Variants in ARMC2 observed in about 807,000 individuals in gnomAD.
ARMC2 encodes the protein armadillo repeat containing 2, also known as armadillo repeat-containing protein 2.
A neutral mutation model predicts 90.3 loss-of-function variants in ARMC2; 67 were observed. That is an observed-to-expected ratio of 0.74 (90% CI 0.61 to 0.91). ARMC2 has a LOEUF of 0.91. Among genes scored for constraint, ARMC2 ranks in the 40% least tolerant of loss-of-function variants. The pLI, the probability that ARMC2 is intolerant of heterozygous loss-of-function variation, is 0.00. For synonymous variants in ARMC2, 393 were observed against 393.0 expected (o/e 1.00, Z 0.00); for missense variants, 920 against 1,030.9 (o/e 0.89, Z 1.47).
At chr6:108,954,144 G>GC (rs1777396045) in intron 13 of ARMC2, among the ~76,000 whole-genome samples, 1 of 152,150 alleles carries the variant, frequency 6.6e-6, no homozygotes, top group African/African-American at 2.4e-5. Context: ...TCTGTAACCT[G>GC]CTGTATCTCT....
chr6:108,971,845 C>G (rs909932670), intron 17 of ARMC2, among the ~76,000 whole-genome samples: 4 of 150,304 alleles, frequency 2.7e-5, no homozygotes, highest in African/African-American at 9.8e-5. Flanking sequence ...TGCTTGAACC[C>G]GGGAGGCAGA....
At chr6:109,029,776 C>T in the ARMC2 span, among the ~76,000 whole-genome samples, 1 of 152,150 alleles carries the variant, frequency 6.6e-6, no homozygotes, top group Non-Finnish European at 1.5e-5. Context: ...AAATGATCTT[C>T]CCACTTTGGC....
At position 108,868,860 on chromosome 6, in the gene ARMC2, G is replaced by A. The variant is rs1776097838; in HGVS notation, c.328G>A (p.Asp110Asn). The change falls in exon 4 of 18, where the codon GAT (aspartate) becomes AAT (asparagine). Residue 110 changes from aspartate (D) to asparagine (N), a missense_variant. Physicochemically the swap from Asp to Asn is conservative, Grantham distance 23 (BLOSUM62 1). Transcript: ENST00000392644. ...TCCAGCATCTCCCACCAGAGAGGAG[G>A]ATTCCTGCTTTTCCTTTCCTAAGCC... is the stretch of plus-strand genomic sequence containing the variant. ...KVPASPTREE[D>N]SCFSFPKPPV... 1 of 1,613,742 alleles carries A rather than the reference G, an allele frequency of 6.2e-7. No individual in the cohort carries two copies. Among genetic ancestry groups the A allele is most frequent in the Admixed American group, 1.7e-5 (1 of 59,966 alleles).
At chr6:109,032,150 T>C in the ARMC2 span, among the ~76,000 whole-genome samples, 1 of 152,144 alleles carries the variant, frequency 6.6e-6, no homozygotes, top group Non-Finnish European at 1.5e-5. Flanking sequence ...TTCATGCCTG[T>C]AATCCCAGCT....
At chr6:108,907,904 G>A in intron 8 of ARMC2, 1 of 1,579,824 alleles carries the variant, frequency 6.3e-7, no homozygotes, top group East Asian at 2.2e-5. Context: ...GTGTTCTTCT[G>A]TTTTCTTAAG....
chr6:108,937,021 T>G lies in ARMC2; in HGVS notation c.1596+22T>G, dbSNP rs1402968859. 2.6e-6 allele frequency: 4 copies of G among 1,521,378 alleles called. No homozygotes were observed. The Admixed American group carries it at 7.5e-5, about 29-fold the overall frequency. The allele number at this position is 1,521,378 out of a possible 1,614,324, so 94.2% of individuals were successfully genotyped here. A position where few individuals can be genotyped will look rare whatever the true frequency, so the allele number is the denominator to read the frequency against. ...GCAGGTCAGTTCTTCATTCATTTAA[T>G]TCTTCAATGAGTCTTTACACTAATG... On this transcript the variant is annotated intron_variant, in intron 12 of 17. Coordinates refer to ENST00000392644, the MANE Select transcript of ARMC2 (RefSeq NM_032131.6).
downstream of ARMC2, among the ~76,000 whole-genome samples, chr6:108,977,157 A>G (rs1327460189): frequency 6.6e-6 from 1 of 152,042 alleles, no homozygotes; most frequent in African/African-American, 2.4e-5. Context: ...AATAGCTCTT[A>G]TTATTTTGAG....
chr6:109,000,465 C>T, the ARMC2 span: 5 of 1,460,080 alleles, frequency 3.4e-6, no homozygotes, highest in East Asian at 1.3e-4. Context: ...GAAATGACTC[C>T]CAAGATATAT....
At chr6:108,949,131 T>A (rs7740745) in intron 12 of ARMC2, among the ~76,000 whole-genome samples, 18,951 of 152,260 alleles carry the variant, frequency 0.12, 1,621 homozygotes, top group Non-Finnish European at 0.19. Flanking sequence ...ATTAATTAAA[T>A]AAGCAATCAC....
At chr6:108,850,379 T>C (rs1002953627) in intron 1 of ARMC2, among the ~76,000 whole-genome samples, 4 of 152,210 alleles carry the variant, frequency 2.6e-5, no homozygotes, top group Admixed American at 1.3e-4. Context: ...ATACCTAGTG[T>C]TGTTTCTGGC....
At chr6:108,979,609 C>T in the ARMC2 span, among the ~76,000 whole-genome samples, 2 of 152,190 alleles carry the variant, frequency 1.3e-5, no homozygotes, top group South Asian at 2.1e-4. Flanking sequence ...TTCCATTTTC[C>T]CCGTCACTTT....
At chr6:108,856,833 T>C (rs1260009345) in intron 2 of ARMC2, 1 of 152,298 alleles carries the variant, frequency 6.6e-6, no homozygotes, top group Non-Finnish European at 1.5e-5. Flanking sequence ...CTATGTTTTC[T>C]CCATTGTATT....
At chr6:109,012,244 C>CT in the ARMC2 span, among the ~76,000 whole-genome samples, 1,983 of 138,890 alleles carry the variant, frequency 0.014, 31 homozygotes, top group African/African-American at 0.037. Context: ...TTTGATATTT[C>CT]TTTTTTTTTT....
At chr6:109,044,640 T>C in the ARMC2 span, among the ~76,000 whole-genome samples, 1 of 152,112 alleles carries the variant, frequency 6.6e-6, no homozygotes, top group Non-Finnish European at 1.5e-5. Flanking sequence ...CTCAGTCCTT[T>C]CTCCTGAATC....
At chr6:108,919,638 T>A (rs2128479163) in intron 10 of ARMC2, among the ~76,000 whole-genome samples, 1 of 152,346 alleles carries the variant, frequency 6.6e-6, no homozygotes, top group South Asian at 2.1e-4. Flanking sequence ...TAAGGTATAA[T>A]CTACATCCAA....
rs192403598 is a variant in ARMC2, at chr6:108,899,838, T to A, written c.847+46T>A. 6.2e-4 allele frequency: 868 copies of A among 1,408,550 alleles called. 3 individuals are homozygous for A. The highest frequency in any genetic ancestry group is 2.7e-3 in the African/African-American group (185 of 68,914). 87.3% of individuals were successfully genotyped at this position (1,408,550 alleles called of 1,614,324 possible). A position where few individuals can be genotyped will look rare whatever the true frequency, so the allele number is the denominator to read the frequency against. On this transcript the variant is annotated intron_variant, in intron 7 of 17. Transcript: ENST00000392644. ...CAAAAAACCGTTTTTGTTTTTTTTT[T>A]AAAAAATACCTGTAGTTATTTATGT...
intron 5 of ARMC2, among the ~76,000 whole-genome samples, chr6:108,886,010 A>G (rs186931817): frequency 5.9e-5 from 9 of 152,346 alleles, no homozygotes; most frequent in Non-Finnish European, 1.2e-4. Flanking sequence ...CAAAGCCTAA[A>G]ACATTTACTA....
downstream of ARMC2, among the ~76,000 whole-genome samples, chr6:108,976,349 G>A (rs1483492105): frequency 6.6e-6 from 1 of 152,122 alleles, no homozygotes; most frequent in Non-Finnish European, 1.5e-5. Context: ...CCTCTGTTCT[G>A]TTCCATTGGT....
chr6:109,028,586 G>C, the ARMC2 span, among the ~76,000 whole-genome samples: 15 of 151,928 alleles, frequency 9.9e-5, no homozygotes, highest in East Asian at 3.9e-4. Flanking sequence ...GCAATACTAG[G>C]GGGTAAGACA....
Sources: allele counts gnomAD v4.1 joint callset (sites outside exome capture counted in the v4.1 genomes callset), GRCh38; gene constraint gnomAD v4.1.1; transcripts MANE v1.5; gene names NCBI Gene and HGNC (gene_info 2026-07-23, HGNC 2026-07-21).